Variants in ST18 observed in about 807,000 individuals in gnomAD.
ST18 encodes the protein ST18 C2H2C-type zinc finger transcription factor.
In ST18, 50 loss-of-function variants were observed where a neutral mutation model predicts 110.0. The ratio of observed to expected loss-of-function variants is 0.45; its 90% CI spans 0.36 to 0.58. The LOEUF (loss-of-function observed/expected upper bound fraction) is 0.58. Ranked by LOEUF, ST18 falls within the 20% of genes least tolerant of loss-of-function variation. The pLI, the probability that ST18 is intolerant of heterozygous loss-of-function variation, is 0.00. For missense variants in ST18, 1,306 were observed against 1,280.1 expected, an observed-to-expected ratio of 1.02 and a Z score of -0.31; for synonymous variants, 461 against 452.4, an observed-to-expected ratio of 1.02 and a Z score of -0.24.
chr8:52,182,340 A>T (rs1310857226), intron 8 of ST18, among the ~76,000 whole-genome samples: 1 of 152,190 alleles, frequency 6.6e-6, no homozygotes, highest in Non-Finnish European at 1.5e-5. Flanking sequence ...TTCTATGTTC[A>T]TTGAATTTCT....
At chr8:52,348,965 G>A (rs1284577799) in intron 2 of ST18, among the ~76,000 whole-genome samples, 3 of 152,090 alleles carry the variant, frequency 2.0e-5, no homozygotes, top group Admixed American at 6.6e-5. Context: ...TCTTCTAGCT[G>A]AAGTTTTGTA....
chr8:52,217,186 G>A (rs189732497), intron 6 of ST18, among the ~76,000 whole-genome samples: 1 of 152,180 alleles, frequency 6.6e-6, no homozygotes, highest in Non-Finnish European at 1.5e-5. Context: ...TTAAAAAGCT[G>A]TTCCTTTCCA....
chr8:52,233,491 C>G (rs62499767), intron 2 of ST18, among the ~76,000 whole-genome samples: 17,646 of 152,062 alleles, frequency 0.12, 1,377 homozygotes, highest in Middle Eastern at 0.21. Context: ...TGGACATACA[C>G]TCTGTTGTCA....
At chr8:52,181,367 C>G (rs542490477) in intron 8 of ST18, among the ~76,000 whole-genome samples, 2 of 152,170 alleles carry the variant, frequency 1.3e-5, no homozygotes, top group East Asian at 3.9e-4. Flanking sequence ...AAAGATGGTG[C>G]CTATTCGTGA....
rs184552399 is a variant in ST18 at position 52,281,203 on chromosome 8, T to A, written c.-464-51126A>T. On this transcript the variant is annotated intron_variant, in intron 2 of 25. Transcript: ENST00000689386. ...TAGGGATAATGTGTAGCCTTAAGTG[T>A]ATGTATATTTTACATTAAAAAGAAG... 2.7e-3 allele frequency among the ~76,000 whole-genome samples: 410 copies of A among 152,270 alleles called. 1 individual carries two copies. Among genetic ancestry groups the A allele is most frequent in the African/African-American group, 9.4e-3 (391 of 41,582 alleles).
At chr8:52,241,722 G>A (rs2093421972) in intron 2 of ST18, among the ~76,000 whole-genome samples, 1 of 152,302 alleles carries the variant, frequency 6.6e-6, no homozygotes, top group East Asian at 1.9e-4. Context: ...TGATAGTTAC[G>A]TTTTTGACTT....
chr8:52,159,161 A>G, intron 14 of ST18, 52 bp from the exon 15 acceptor site: 1 of 1,532,234 alleles, frequency 6.5e-7, no homozygotes, highest in Non-Finnish European at 8.8e-7. Flanking sequence ...TTTAGTCATT[A>G]AACAGATTTG....
chr8:52,158,105 G>A (rs900396366), intron 15 of ST18, among the ~76,000 whole-genome samples: 3 of 152,224 alleles, frequency 2.0e-5, no homozygotes, highest in African/African-American at 7.2e-5. Context: ...ACTTTTACAA[G>A]CTCTGTGGAT....
intron 2 of ST18, among the ~76,000 whole-genome samples, chr8:52,272,190 A>T (rs2095097160): frequency 6.6e-6 from 1 of 152,208 alleles, no homozygotes; most frequent in Non-Finnish European, 1.5e-5. Flanking sequence ...GCAACAAAAA[A>T]CAAAAATAAA....
intron 2 of ST18, among the ~76,000 whole-genome samples, chr8:52,243,652 A>AT (rs2093619613): frequency 6.6e-6 from 1 of 152,174 alleles, no homozygotes; most frequent in African/African-American, 2.4e-5. Flanking sequence ...TAAATTATAT[A>AT]ATGCATGTAA....
intron 2 of ST18, among the ~76,000 whole-genome samples, chr8:52,364,691 C>A (rs1022000089): frequency 3.9e-5 from 6 of 152,150 alleles, no homozygotes; most frequent in Non-Finnish European, 8.8e-5. Context: ...TCTTTTCTTG[C>A]TCAAGATTTT....
chr8:52,158,817 A>C, intron 15 of ST18, 81 bp downstream of exon 15: 1 of 1,488,334 alleles, frequency 6.7e-7, no homozygotes, highest in Non-Finnish European at 9.3e-7. Context: ...AGTGGTAGTG[A>C]ATGTAGTTAG....
chr8:52,256,147 C>T (rs550425137), intron 2 of ST18, among the ~76,000 whole-genome samples: 1 of 152,354 alleles, frequency 6.6e-6, no homozygotes, highest in South Asian at 2.1e-4. Flanking sequence ...GCTTTACCAA[C>T]TGACTTTAAA....
chr8:52,157,032 A>G (rs1563745710), intron 15 of ST18, among the ~76,000 whole-genome samples: 1 of 152,232 alleles, frequency 6.6e-6, no homozygotes, highest in Non-Finnish European at 1.5e-5. Context: ...TCACCTGGGC[A>G]TGCAGGATGA....
At chr8:52,374,652 T>A (rs1284176779) in intron 2 of ST18, among the ~76,000 whole-genome samples, 1 of 152,050 alleles carries the variant, frequency 6.6e-6, no homozygotes, top group Non-Finnish European at 1.5e-5. Flanking sequence ...AAGCCCAGCA[T>A]CCATTAGCTC....
intron 2 of ST18, among the ~76,000 whole-genome samples, chr8:52,279,053 A>C (rs2095326354): frequency 6.6e-6 from 1 of 152,210 alleles, no homozygotes; most frequent in African/African-American, 2.4e-5. Context: ...TAATAAAATA[A>C]ATGAGTGAGG....
At chr8:52,375,541 G>T (rs1280344409) in intron 2 of ST18, among the ~76,000 whole-genome samples, 2 of 152,110 alleles carry the variant, frequency 1.3e-5, no homozygotes, top group African/African-American at 2.4e-5. Flanking sequence ...CTTGGTCACT[G>T]ATGGTTTCTT....
At chr8:52,263,193 A>G (rs556673627) in intron 2 of ST18, among the ~76,000 whole-genome samples, 2 of 152,342 alleles carry the variant, frequency 1.3e-5, no homozygotes, top group African/African-American at 2.4e-5. Context: ...ATTTGAGAAG[A>G]CTTTATTCTT....
chr8:52,305,097 T>C (rs745817733), intron 2 of ST18, among the ~76,000 whole-genome samples: 15 of 152,160 alleles, frequency 9.9e-5, no homozygotes, highest in Admixed American at 6.5e-5. Context: ...ATAGCTTAAG[T>C]AGTAGTAGGA....
Sources: gnomAD v4.1 joint callset for allele counts (sites outside exome capture counted in the v4.1 genomes callset) on GRCh38, gnomAD v4.1.1 for gene constraint, MANE v1.5 for transcripts, NCBI Gene and HGNC (gene_info 2026-07-23, HGNC 2026-07-21) for gene names.